Variants in PRPSAP1 observed in about 807,000 individuals in gnomAD.
PRPSAP1 encodes phosphoribosyl pyrophosphate synthetase associated protein 1.
PRPSAP1 carries 31 observed loss-of-function variants against 39.4 expected under a neutral mutation model. The observed-to-expected ratio is 0.79, with a 90% CI of 0.59 to 1.06. The LOEUF is 1.06. PRPSAP1 is among the 50% of genes least tolerant of loss of function. The probability of loss-of-function intolerance (pLI) is 0.00; values close to 1 mark genes in which losing one functional copy is unlikely to be tolerated. For synonymous variants in PRPSAP1, 212 were observed against 192.6 expected (o/e 1.10, Z -0.83); for missense variants, 430 against 511.6 (o/e 0.84, Z 1.54).
intron 3 of PRPSAP1, among the ~76,000 whole-genome samples, chr17:76,336,915 CCG>C (rs2071385808): frequency 6.6e-6 from 1 of 152,024 alleles, no homozygotes; most frequent in African/African-American, 2.4e-5. Flanking sequence ...CTGAGAGATA[CCG>C]GACAAATTGG....
intron 1 of PRPSAP1, among the ~76,000 whole-genome samples, chr17:76,349,482 C>T (rs980308906): frequency 5.9e-5 from 9 of 151,754 alleles, no homozygotes; most frequent in Non-Finnish European, 1.0e-4. Flanking sequence ...TATTCCAGGC[C>T]GGGTGCGGTG....
intron 5 of PRPSAP1, 39 bp from the exon 6 acceptor site, chr17:76,330,137 T>C: frequency 6.4e-7 from 1 of 1,563,190 alleles, no homozygotes; most frequent in South Asian, 1.1e-5. Context: ...TGAAAAGTTA[T>C]CAGAAAATAA....
chr17:76,313,127 G>A, intron 8 of PRPSAP1, 111 bp from the exon 9 acceptor site: 3 of 1,338,220 alleles, frequency 2.2e-6, no homozygotes, highest in Non-Finnish European at 3.0e-6. Context: ...GATTTCTGAT[G>A]GAAAATCAGA....
intron 2 of PRPSAP1, among the ~76,000 whole-genome samples, chr17:76,348,043 C>T (rs79001990): frequency 0.13 from 19,058 of 152,024 alleles, 1,617 homozygotes; most frequent in African/African-American, 0.24. Context: ...TGGTGGAAGC[C>T]GAGTGCGGTG....
intron 4 of PRPSAP1, 86 bp downstream of exon 4, chr17:76,332,177 T>C (rs1237222560): frequency 3.5e-6 from 5 of 1,437,672 alleles, no homozygotes; most frequent in Non-Finnish European, 4.8e-6. Context: ...GATCCCAGAT[T>C]GGATATCTGA....
At chr17:76,335,700 A>C (rs1346510877) in intron 3 of PRPSAP1, among the ~76,000 whole-genome samples, 1 of 152,170 alleles carries the variant, frequency 6.6e-6, no homozygotes, top group Admixed American at 6.6e-5. Context: ...GACAATACAC[A>C]AGTGGACCAA....
chr17:76,350,295 C>T lies in PRPSAP1; in HGVS notation c.171-1714G>A, dbSNP rs964260101. On this transcript the variant is annotated intron_variant, in intron 1 of 9. Coordinates refer to ENST00000446526, the MANE Select transcript of PRPSAP1 (RefSeq NM_002766.3). Reference sequence around the variant, plus strand: ...TCTACTAAAAATACAAAAAATTAGCCGGGCGTGGTGGAGGGCGCCTGTAGT... The same window carrying T: ...TCTACTAAAAATACAAAAAATTAGCTGGGCGTGGTGGAGGGCGCCTGTAGT... Among the ~76,000 whole-genome samples, 47 of 151,724 alleles carry T rather than the reference C, an allele frequency of 3.1e-4. 1 individual carries two copies. Among genetic ancestry groups the T allele is most frequent in the East Asian group, 3.9e-4 (2 of 5,142 alleles).
intron 6 of PRPSAP1, 65 bp from the exon 7 acceptor site, chr17:76,328,927 T>G: frequency 6.7e-6 from 10 of 1,493,544 alleles, no homozygotes; most frequent in Non-Finnish European, 9.1e-6. Flanking sequence ...TACGGCATCA[T>G]TTTTTAACCA....
intron 7 of PRPSAP1, among the ~76,000 whole-genome samples, chr17:76,326,424 T>C (rs2071256849): frequency 6.6e-6 from 1 of 151,960 alleles, no homozygotes; most frequent in Non-Finnish European, 1.5e-5. Flanking sequence ...AACTTTACAG[T>C]GGAGAAACCT....
At chr17:76,344,850 A>G (rs915268083) in intron 2 of PRPSAP1, 113 bp from the exon 3 acceptor site, 1 of 705,288 alleles carries the variant, frequency 1.4e-6, no homozygotes, top group Non-Finnish European at 2.4e-6. Flanking sequence ...CTGTAATCCT[A>G]GCACTTTAGG....
intron 1 of PRPSAP1, 148 bp from the exon 2 acceptor site, chr17:76,348,729 C>CTAAAATTCTTT: frequency 3.2e-6 from 2 of 617,182 alleles, no homozygotes; most frequent in Non-Finnish European, 5.3e-6. Flanking sequence ...ATTCATTAAA[C>CTAAAATTCTTT]TAAAATTCTG....
At chr17:76,324,255 C>T (rs2143480767) in intron 7 of PRPSAP1, among the ~76,000 whole-genome samples, 1 of 152,020 alleles carries the variant, frequency 6.6e-6, no homozygotes, top group South Asian at 2.1e-4. Context: ...TGAGATGTGC[C>T]ATCCTTGAAC....
chr17:76,326,023 G>A (rs1248372571), intron 7 of PRPSAP1, among the ~76,000 whole-genome samples: 1 of 152,112 alleles, frequency 6.6e-6, no homozygotes, highest in Non-Finnish European at 1.5e-5. Context: ...TTTTACATGT[G>A]CTGGGACATC....
intron 3 of PRPSAP1, among the ~76,000 whole-genome samples, chr17:76,343,343 C>T (rs151142458): frequency 2.0e-5 from 3 of 152,202 alleles, no homozygotes; most frequent in Non-Finnish European, 4.4e-5. Flanking sequence ...GAAGCAAGGG[C>T]GACGATCTCT....
Position 76,310,115 on chromosome 17 carries a change from G to C in PRPSAP1, c.*1427C>G, listed in dbSNP as rs1020341552. ...ATTAATTCTCCTGCCTCAGCCTCCC[G>C]AGTAGCTGGGATTACAGGCGTGCAC... On this transcript the variant is annotated 3_prime_UTR_variant, in exon 10 of 10. Transcript: ENST00000446526. 6.6e-6 allele frequency: 1 copy of C among 150,622 alleles called. No individual in the cohort carries two copies. The highest frequency in any genetic ancestry group is 1.5e-5 in the Non-Finnish European group (1 of 67,732). 9.3% of individuals were successfully genotyped at this position (150,622 alleles called of 1,614,324 possible).
chr17:76,339,308 G>C (rs2071411067), intron 3 of PRPSAP1, among the ~76,000 whole-genome samples: 1 of 151,336 alleles, frequency 6.6e-6, no homozygotes, highest in African/African-American at 2.4e-5. Context: ...AGGAGGCTGA[G>C]GCAGGAGAAT....
chr17:76,345,950 C>A, intron 2 of PRPSAP1: 1 of 461,912 alleles, frequency 2.2e-6, no homozygotes, highest in African/African-American at 2.1e-5. Context: ...CCCTCCAAAG[C>A]CAGAGCCCAG....
At chr17:76,343,673 A>G (rs900966655) in intron 3 of PRPSAP1, among the ~76,000 whole-genome samples, 1 of 152,118 alleles carries the variant, frequency 6.6e-6, no homozygotes, top group Non-Finnish European at 1.5e-5. Flanking sequence ...TGTCTCTACT[A>G]AAAATACAAA....
At chr17:76,327,943 G>A (rs2071270909) in intron 7 of PRPSAP1, among the ~76,000 whole-genome samples, 1 of 152,014 alleles carries the variant, frequency 6.6e-6, no homozygotes, top group African/African-American at 2.4e-5. Flanking sequence ...CGGCATTTTG[G>A]GAGACCATGA....
Sources: gnomAD v4.1 joint callset for allele counts (sites outside exome capture counted in the v4.1 genomes callset) on GRCh38, gnomAD v4.1.1 for gene constraint, MANE v1.5 for transcripts, NCBI Gene and HGNC (gene_info 2026-07-23, HGNC 2026-07-21) for gene names.